COL28A1: variants seen among roughly 807,000 people sequenced by gnomAD.
COL28A1 encodes the protein collagen alpha-1(XXVIII) chain.
A neutral mutation model predicts 150.2 loss-of-function variants in COL28A1; 161 were observed. That is an observed-to-expected ratio of 1.07 (90% confidence interval 0.94 to 1.22). The LOEUF (loss-of-function observed/expected upper bound fraction) is 1.22. Among genes scored for constraint, COL28A1 ranks in the 50% most tolerant of loss-of-function variants. The pLI, the probability that COL28A1 is intolerant of heterozygous loss-of-function variation, is 0.00. For missense variants in COL28A1, 1,617 were observed against 1,388.3 expected, an observed-to-expected ratio of 1.16 and a Z score of -2.62; for synonymous variants, 552 against 469.7, an observed-to-expected ratio of 1.18 and a Z score of -2.26.
At chr7:7,382,653 G>A (rs1293705226) in intron 27 of COL28A1, among the ~76,000 whole-genome samples, 1 of 152,110 alleles carries the variant, frequency 6.6e-6, no homozygotes, top group Non-Finnish European at 1.5e-5. Context: ...TTAGTAATGA[G>A]TCTCTGGCAA....
intron 3 of COL28A1, among the ~76,000 whole-genome samples, chr7:7,526,624 T>C (rs1782038805): frequency 6.6e-6 from 1 of 152,142 alleles, no homozygotes; most frequent in African/African-American, 2.4e-5. Context: ...CTTTTAACAA[T>C]GAGCAATATC....
intron 18 of COL28A1, among the ~76,000 whole-genome samples, chr7:7,449,232 A>T (rs770212553): frequency 1.7e-4 from 26 of 152,138 alleles, no homozygotes; most frequent in Non-Finnish European, 3.1e-4. Flanking sequence ...TTATCTCAAG[A>T]ATGCAAGGAT....
chr7:7,349,578 C>T, the COL28A1 span, among the ~76,000 whole-genome samples: 2 of 152,080 alleles, frequency 1.3e-5, no homozygotes, highest in African/African-American at 2.4e-5. Flanking sequence ...AGTATTTTCC[C>T]GTCCATCCTG....
the COL28A1 span, among the ~76,000 whole-genome samples, chr7:7,344,262 A>ATTATTTGT: frequency 6.6e-6 from 1 of 151,866 alleles, no homozygotes; most frequent in African/African-American, 2.4e-5. Flanking sequence ...GAGCCACTGC[A>ATTATTTGT]CCTGGCCTAT....
At chr7:7,418,584 T>G (rs1438660161) in intron 26 of COL28A1, among the ~76,000 whole-genome samples, 1 of 152,170 alleles carries the variant, frequency 6.6e-6, no homozygotes, top group African/African-American at 2.4e-5. Flanking sequence ...AAGAAATTAG[T>G]GTAACGTTGC....
At chr7:7,506,793 T>C (rs1158769604) in intron 10 of COL28A1, among the ~76,000 whole-genome samples, 1 of 152,218 alleles carries the variant, frequency 6.6e-6, no homozygotes, top group Non-Finnish European at 1.5e-5. Flanking sequence ...CAAAAATAGT[T>C]ACATCCTGCT....
intron 27 of COL28A1, among the ~76,000 whole-genome samples, chr7:7,413,908 C>T (rs1400733579): frequency 6.6e-6 from 1 of 152,164 alleles, no homozygotes; most frequent in African/African-American, 2.4e-5. Flanking sequence ...AAATCTACCT[C>T]ACAAAGTCTT....
At chr7:7,493,642 T>A (rs73352224) in intron 11 of COL28A1, among the ~76,000 whole-genome samples, 2 of 152,128 alleles carry the variant, frequency 1.3e-5, no homozygotes, top group Admixed American at 1.3e-4. Context: ...TATTGGCCTA[T>A]AGCTCATGTT....
intron 3 of COL28A1, among the ~76,000 whole-genome samples, chr7:7,529,741 A>G (rs1782242393): frequency 6.6e-6 from 1 of 152,210 alleles, no homozygotes; most frequent in South Asian, 2.1e-4. Context: ...GGTGAAGATG[A>G]ATAAGTAACA....
At chr7:7,380,754 T>G (rs772184803) in intron 29 of COL28A1, 28 bp downstream of exon 29, 1 of 1,612,456 alleles carries the variant, frequency 6.2e-7, no homozygotes, top group East Asian at 2.2e-5. Context: ...GAGTATAAAA[T>G]CACAGTGAGA....
Position 7,521,906 on chromosome 7 carries a change from G to T in COL28A1, c.758C>A (p.Pro253His). 1 of 1,050,904 alleles carries T rather than the reference G, an allele frequency of 9.5e-7. No individual in the cohort carries two copies. The highest frequency in any genetic ancestry group is 1.5e-6 in the Non-Finnish European group (1 of 664,936). 65.1% of individuals were successfully genotyped at this position (1,050,904 alleles called of 1,614,324 possible). A position where few individuals can be genotyped will look rare whatever the true frequency, so the allele number is the denominator to read the frequency against. Residue 253 changes from proline to histidine, a missense_variant and splice_region_variant, in exon 5 of 35, where the codon CCT becomes CAT. Pro to His is a moderately conservative substitution (Grantham distance 77). Coordinates refer to ENST00000399429, the MANE Select transcript of COL28A1 (RefSeq NM_001037763.3). ...EKGDPGDPGP[P>H]GTHGNPGIKG... ...AGTTCAAAGTGGAAGTATACTCACAGGAGGCCCTGGATCACCTGGATCTCC... is the reference window on the plus strand; with the variant it reads ...AGTTCAAAGTGGAAGTATACTCACATGAGGCCCTGGATCACCTGGATCTCC...
At position 7,373,081 on chromosome 7, in the gene COL28A1, A is replaced by C; in HGVS notation, c.2825T>G (p.Phe942Cys). Residue 942 changes from phenylalanine to cysteine, a missense_variant, in exon 32 of 35, where the codon TTT becomes TGT. Phe to Cys is a radical substitution (Grantham distance 205, BLOSUM62 -2). Transcript: ENST00000399429. The surrounding 1 kb of genome is among the most constrained non-coding windows in gnomAD (Gnocchi z 4.1). ...ATTCATTTCTTTGTGGAATATTTCA[A>C]AGTTGGGATCATTTTTCTTCACCAC... Reference protein sequence around the residue: ...IGVVKKNDPNFEIFHKEMNLI... With the variant: ...IGVVKKNDPNCEIFHKEMNLI... 1.9e-6 allele frequency: 3 copies of C among 1,614,124 alleles called. No homozygotes were observed. The highest frequency in any genetic ancestry group is 1.3e-5 in the African/African-American group (1 of 75,014).
At chr7:7,392,275 T>A (rs1782590270) in intron 27 of COL28A1, among the ~76,000 whole-genome samples, 2 of 152,198 alleles carry the variant, frequency 1.3e-5, no homozygotes, top group African/African-American at 4.8e-5. Flanking sequence ...GGGTTGAAAA[T>A]TCTTTTAAGA....
In COL28A1 at chr7:7,410,417, TG is replaced by T. The variant is rs146949366; in HGVS notation, c.2136+7441del. Among the ~76,000 whole-genome samples, 668 of 152,266 alleles carry T rather than the reference TG, an allele frequency of 4.4e-3. 32 individuals carry two copies. In the East Asian group the frequency reaches 0.11, roughly 26 times the overall value. On this transcript the variant is annotated intron_variant, in intron 27 of 34. Coordinates refer to ENST00000399429, the MANE Select transcript of COL28A1 (RefSeq NM_001037763.3). ...ACTATTCAAAACTTGAGGCCTCTCA[TG>T]TGGTCTCGACTCCTCCTTTTTATGA... is the stretch of plus-strand genomic sequence containing the variant.
At chr7:7,390,285 G>A (rs1436065334) in intron 27 of COL28A1, among the ~76,000 whole-genome samples, 3 of 152,150 alleles carry the variant, frequency 2.0e-5, no homozygotes, top group African/African-American at 7.2e-5. Flanking sequence ...TTTAGGTGGT[G>A]GATTATGTTA....
chr7:7,399,363 A>G (rs961139097), intron 27 of COL28A1, among the ~76,000 whole-genome samples: 7 of 152,196 alleles, frequency 4.6e-5, no homozygotes, highest in East Asian at 1.9e-4. Flanking sequence ...CGTGTGTCTC[A>G]TAACAGGCTT....
At position 7,474,668 on chromosome 7, in the gene COL28A1, C is replaced by A. The variant is rs1228832809; in HGVS notation, c.1235G>T (p.Gly412Val). The change falls in exon 15 of 35, where the codon GGT becomes GTT. Residue 412 changes from glycine (G) to valine (V), a missense_variant and splice_region_variant. By Grantham distance (109) the Gly-to-Val change is moderately radical. Transcript: ENST00000399429. ...AGTTGGTCCTTCAGAACCTTTTTCA[C>A]CCTGAAAGTACAAGGGAGGGATATC... ...LPGEGFPGPK[G>V]EKGSEGPTGP... is the part of the protein sequence containing the mutation. 1 of 1,342,880 alleles carries A rather than the reference C, an allele frequency of 7.4e-7. No homozygotes were observed. The highest frequency in any genetic ancestry group is 1.4e-5 in the African/African-American group (1 of 69,568). 83.2% of individuals were successfully genotyped at this position (1,342,880 alleles called of 1,614,324 possible).
At position 7,436,466 on chromosome 7, in the gene COL28A1, G is replaced by A. The variant is rs776279699; in HGVS notation, c.1792-3C>T. On this transcript the variant is annotated splice_polypyrimidine_tract_variant and splice_region_variant and intron_variant, in intron 22 of 34. Coordinates refer to ENST00000399429, the MANE Select transcript of COL28A1 (RefSeq NM_001037763.3). ...ATCCCAGGTCCTCCTCTATCTCCCTGTACATTTCAAATAACATTTCACAGG... is the reference window on the plus strand; with the variant it reads ...ATCCCAGGTCCTCCTCTATCTCCCTATACATTTCAAATAACATTTCACAGG... The A allele has an allele frequency of 7.7e-7, 1 of 1,297,864 alleles. No individual in the cohort carries two copies. Among genetic ancestry groups the A allele is most frequent in the Non-Finnish European group, 1.1e-6 (1 of 891,354 alleles). 80.4% of individuals were successfully genotyped at this position (1,297,864 alleles called of 1,614,324 possible).
At chr7:7,390,483 A>C (rs1204760544) in intron 27 of COL28A1, among the ~76,000 whole-genome samples, 1 of 152,090 alleles carries the variant, frequency 6.6e-6, no homozygotes, top group Non-Finnish European at 1.5e-5. Context: ...CCAGGTTTTC[A>C]TATCAGGATA....
Sources: allele counts gnomAD v4.1 joint callset (sites outside exome capture counted in the v4.1 genomes callset), GRCh38; gene constraint gnomAD v4.1.1; non-coding constraint Gnocchi (gnomAD v3.1); transcripts MANE v1.5; gene names NCBI Gene and HGNC (gene_info 2026-07-23, HGNC 2026-07-21).